Variants in BAZ1A observed in about 807,000 individuals in gnomAD.
BAZ1A encodes the protein bromodomain adjacent to zinc finger domain 1A, also known as bromodomain adjacent to zinc finger domain protein 1A.
In BAZ1A, 50 loss-of-function variants were observed where a neutral mutation model predicts 185.2. That is an observed-to-expected ratio of 0.27 (90% CI 0.22 to 0.34). The LOEUF is 0.34. BAZ1A is among the 10% of genes least tolerant of loss of function. The probability of loss-of-function intolerance (pLI) is 1.00; values close to 1 mark genes in which losing one functional copy is unlikely to be tolerated. For missense variants in BAZ1A, 1,356 were observed against 1,839.9 expected, an observed-to-expected ratio of 0.74 and a Z score of 4.81; for synonymous variants, 571 against 615.6, an observed-to-expected ratio of 0.93 and a Z score of 1.07.
At chr14:34,817,358 T>C (rs891470717) in intron 4 of BAZ1A, among the ~76,000 whole-genome samples, 19 of 152,146 alleles carry the variant, frequency 1.2e-4, no homozygotes, top group Admixed American at 9.2e-4. Context: ...GAGGCTGAGG[T>C]GGGCAGATTA....
chr14:34,846,869 T>C (rs907093214), intron 3 of BAZ1A, among the ~76,000 whole-genome samples: 2 of 152,120 alleles, frequency 1.3e-5, no homozygotes, highest in African/African-American at 4.8e-5. Flanking sequence ...CTGCACATCC[T>C]GCACACGTAC....
chr14:34,857,168 G>GA (rs2042695663), intron 3 of BAZ1A, among the ~76,000 whole-genome samples: 1 of 151,776 alleles, frequency 6.6e-6, no homozygotes, highest in Non-Finnish European at 1.5e-5. Flanking sequence ...CACTACGCCT[G>GA]GCTAACTTTT....
At chr14:34,869,989 C>A (rs377105224) in intron 2 of BAZ1A, among the ~76,000 whole-genome samples, 1 of 152,176 alleles carries the variant, frequency 6.6e-6, no homozygotes, top group African/African-American at 2.4e-5. Flanking sequence ...CTCCAACCTG[C>A]CTCAGCCTAG....
chr14:34,758,467 T>C, intron 25 of BAZ1A: 3 of 375,320 alleles, frequency 8.0e-6, no homozygotes, highest in African/African-American at 2.1e-5. Context: ...GTAATCCCAG[T>C]TACTCAGGAA....
intron 3 of BAZ1A, among the ~76,000 whole-genome samples, chr14:34,856,794 G>T (rs1005938684): frequency 2.0e-5 from 3 of 149,090 alleles, no homozygotes; most frequent in African/African-American, 7.4e-5. Flanking sequence ...GGAGGCAGAG[G>T]TTGCTGTGAG....
chr14:34,832,215 C>CACATATATATATAT, intron 3 of BAZ1A, among the ~76,000 whole-genome samples: 12 of 89,704 alleles, frequency 1.3e-4, no homozygotes, highest in South Asian at 4.9e-4. Flanking sequence ...CACACACACA[C>CACATATATATATAT]ATATATATAT....
chr14:34,810,270 C>T (rs1166039889), intron 5 of BAZ1A, among the ~76,000 whole-genome samples: 1 of 152,140 alleles, frequency 6.6e-6, no homozygotes, highest in African/African-American at 2.4e-5. Context: ...CAACAGACAA[C>T]AATAGGGATT....
At chr14:34,862,784 T>C (rs1266104640) in intron 2 of BAZ1A, among the ~76,000 whole-genome samples, 1 of 140,366 alleles carries the variant, frequency 7.1e-6, no homozygotes, top group South Asian at 2.2e-4. Flanking sequence ...ATTTGTGTTA[T>C]AAAAAAAAAA....
intron 3 of BAZ1A, among the ~76,000 whole-genome samples, chr14:34,830,913 G>A (rs149911494): frequency 5.9e-5 from 9 of 151,464 alleles, no homozygotes; most frequent in Non-Finnish European, 1.0e-4. Flanking sequence ...AATCCACCAC[G>A]CCCAGCTAAT....
chr14:34,833,620 T>G (rs971538611), intron 3 of BAZ1A, among the ~76,000 whole-genome samples: 1 of 152,154 alleles, frequency 6.6e-6, no homozygotes, highest in Non-Finnish European at 1.5e-5. Context: ...ATTCCACTTA[T>G]ATGAAGTATC....
intron 2 of BAZ1A, among the ~76,000 whole-genome samples, chr14:34,872,516 G>A (rs2042964538): frequency 6.6e-6 from 1 of 151,998 alleles, no homozygotes; most frequent in African/African-American, 2.4e-5. Flanking sequence ...GGGGGGGATT[G>A]TTTGAGCCCA....
chr14:34,756,012 T>G (rs1886224017), intron 25 of BAZ1A, among the ~76,000 whole-genome samples: 2 of 148,416 alleles, frequency 1.3e-5, no homozygotes, highest in Non-Finnish European at 3.0e-5. Context: ...TTTTTTTTTT[T>G]GTATTTTTTG....
At chr14:34,834,611 G>A (rs1566587471) in intron 3 of BAZ1A, among the ~76,000 whole-genome samples, 1 of 152,166 alleles carries the variant, frequency 6.6e-6, no homozygotes, top group Non-Finnish European at 1.5e-5. Flanking sequence ...TATTGACTTT[G>A]TAGCACAACC....
intron 21 of BAZ1A, among the ~76,000 whole-genome samples, chr14:34,770,739 A>G (rs1879159750): frequency 6.6e-6 from 1 of 152,200 alleles, no homozygotes; most frequent in Non-Finnish European, 1.5e-5. Context: ...TAATTTGTCA[A>G]AAAGTGATAC....
chr14:34,790,336 A>G (rs1880762131), intron 12 of BAZ1A, among the ~76,000 whole-genome samples: 1 of 151,780 alleles, frequency 6.6e-6, no homozygotes, highest in Non-Finnish European at 1.5e-5. Flanking sequence ...CACCTGGCTA[A>G]TTTTGATTTA....
chr14:34,759,478 C>A (rs1209949907), intron 24 of BAZ1A, among the ~76,000 whole-genome samples: 2 of 151,802 alleles, frequency 1.3e-5, no homozygotes, highest in Non-Finnish European at 2.9e-5. Context: ...GGATTACAGG[C>A]GTGAGCCACC....
chr14:34,848,811 G>T (rs1330624313), intron 3 of BAZ1A, among the ~76,000 whole-genome samples: 1 of 152,032 alleles, frequency 6.6e-6, no homozygotes, highest in Admixed American at 6.6e-5. Context: ...ATCCAATTCG[G>T]CCATTTTACT....
chr14:34,810,833 A>G (rs1044079845), intron 5 of BAZ1A, 102 bp downstream of exon 5: 2 of 789,584 alleles, frequency 2.5e-6, no homozygotes, highest in Non-Finnish European at 4.1e-6. Flanking sequence ...TAAGAAGGAA[A>G]GCAATCACAG....
intron 3 of BAZ1A, among the ~76,000 whole-genome samples, chr14:34,846,850 G>A (rs1046955637): frequency 6.6e-6 from 1 of 151,898 alleles, no homozygotes; most frequent in African/African-American, 2.4e-5. Context: ...CCCTACCTGT[G>A]TAACAAACCT....
Sources: gnomAD v4.1 joint callset for allele counts (sites outside exome capture counted in the v4.1 genomes callset) on GRCh38, gnomAD v4.1.1 for gene constraint, MANE v1.5 for transcripts, NCBI Gene and HGNC (gene_info 2026-07-23, HGNC 2026-07-21) for gene names.